Variants in MAF observed in about 807,000 individuals in gnomAD.
MAF encodes the protein transcription factor Maf.
Under a neutral mutation model 22.0 loss-of-function variants are expected in MAF, and 10 were observed. That is an observed-to-expected ratio of 0.45 (90% CI 0.28 to 0.77). The LOEUF is 0.77. MAF is among the 30% of genes least tolerant of loss of function. The probability of loss-of-function intolerance (pLI) is 0.12; values close to 1 mark genes in which losing one functional copy is unlikely to be tolerated. For missense variants in MAF, 544 were observed against 548.4 expected, an observed-to-expected ratio of 0.99 and a Z score of 0.08; for synonymous variants, 337 against 255.8, an observed-to-expected ratio of 1.32 and a Z score of -3.03.
At chr16:79,283,070 A>T in the MAF span, among the ~76,000 whole-genome samples, 1 of 152,262 alleles carries the variant, frequency 6.6e-6, no homozygotes, top group East Asian at 1.9e-4. Flanking sequence ...GAGGGTGGGG[A>T]ATAGGGAATG....
chr16:79,284,842 C>A, the MAF span, among the ~76,000 whole-genome samples: 1 of 152,244 alleles, frequency 6.6e-6, no homozygotes, highest in East Asian at 1.9e-4. Flanking sequence ...ATCTCTCAGT[C>A]ACCTGGACTC....
At chr16:79,472,854 G>C in the MAF span, among the ~76,000 whole-genome samples, 2 of 151,948 alleles carry the variant, frequency 1.3e-5, no homozygotes, top group South Asian at 2.1e-4. Flanking sequence ...CATGGAGAGG[G>C]AACAAGCAGT....
the MAF span, among the ~76,000 whole-genome samples, chr16:79,475,690 T>C: frequency 2.6e-4 from 40 of 152,258 alleles, no homozygotes; most frequent in Admixed American, 2.1e-3. Context: ...GATTTGTGCA[T>C]TTCAATGTAT....
chr16:79,547,821 T>C, the MAF span, among the ~76,000 whole-genome samples: 1 of 152,140 alleles, frequency 6.6e-6, no homozygotes, highest in Non-Finnish European at 1.5e-5. Context: ...TTCTCCTCTG[T>C]CTCCTCTGTA....
At chr16:79,355,528 T>C in the MAF span, among the ~76,000 whole-genome samples, 1 of 152,204 alleles carries the variant, frequency 6.6e-6, no homozygotes, top group East Asian at 1.9e-4. Context: ...TGGAGGACCA[T>C]GAATGTATTG....
the MAF span, among the ~76,000 whole-genome samples, chr16:79,567,179 AT>A: frequency 6.6e-6 from 1 of 152,288 alleles, no homozygotes; most frequent in South Asian, 2.1e-4. Context: ...TTAGACAGGC[AT>A]TGTGGCAGGA....
At chr16:79,254,829 T>G in the MAF span, among the ~76,000 whole-genome samples, 2 of 152,230 alleles carry the variant, frequency 1.3e-5, no homozygotes, top group Non-Finnish European at 2.9e-5. Context: ...TTTCAGAACA[T>G]AAATACCAGC....
At chr16:79,546,207 G>C in the MAF span, among the ~76,000 whole-genome samples, 3 of 152,046 alleles carry the variant, frequency 2.0e-5, no homozygotes, top group African/African-American at 7.2e-5. Flanking sequence ...TGTGAGAACA[G>C]ATCTATGTCC....
the MAF span, among the ~76,000 whole-genome samples, chr16:79,254,612 T>A: frequency 2.0e-5 from 3 of 152,226 alleles, no homozygotes; most frequent in African/African-American, 7.2e-5. Flanking sequence ...TCAGAGCCTG[T>A]GTTACATGAT....
the MAF span, among the ~76,000 whole-genome samples, chr16:79,341,218 A>T: frequency 6.6e-6 from 1 of 152,196 alleles, no homozygotes; most frequent in East Asian, 1.9e-4. Flanking sequence ...CAAGAAGGAG[A>T]GACAATGTAG....
chr16:79,249,093 G>T, the MAF span, among the ~76,000 whole-genome samples: 1 of 152,116 alleles, frequency 6.6e-6, no homozygotes, highest in Non-Finnish European at 1.5e-5. Flanking sequence ...GGTTATGAGG[G>T]CTCTGTCTAC....
chr16:79,541,627 C>A, the MAF span, among the ~76,000 whole-genome samples: 1 of 151,866 alleles, frequency 6.6e-6, no homozygotes, highest in South Asian at 2.1e-4. Flanking sequence ...TCTACCAGGG[C>A]CCTTGTTACC....
At chr16:79,330,782 T>C in the MAF span, among the ~76,000 whole-genome samples, 35,494 of 152,158 alleles carry the variant, frequency 0.23, 4,500 homozygotes, top group Middle Eastern at 0.32. Context: ...CTCCTCGGTG[T>C]ATAAGTCAGG....
At chr16:79,262,757 G>C in the MAF span, among the ~76,000 whole-genome samples, 2 of 152,154 alleles carry the variant, frequency 1.3e-5, no homozygotes, top group African/African-American at 4.8e-5. Flanking sequence ...GAGCCCCTTT[G>C]TTGGTAATGG....
At chr16:79,296,353 A>C in the MAF span, among the ~76,000 whole-genome samples, 2 of 152,084 alleles carry the variant, frequency 1.3e-5, no homozygotes, top group Non-Finnish European at 2.9e-5. Context: ...GGAACAACAC[A>C]CACTGGGGCC....
At chr16:79,458,577 G>A in the MAF span, among the ~76,000 whole-genome samples, 22 of 152,214 alleles carry the variant, frequency 1.4e-4, no homozygotes, top group African/African-American at 5.3e-4. Context: ...GCTCATGGAG[G>A]TGGAAGAGGT....
At chr16:79,499,786 T>C in the MAF span, among the ~76,000 whole-genome samples, 1 of 152,172 alleles carries the variant, frequency 6.6e-6, no homozygotes, top group Non-Finnish European at 1.5e-5. Flanking sequence ...CAATATTTTG[T>C]TTCAGTAGCC....
chr16:79,332,094 C>T, the MAF span, among the ~76,000 whole-genome samples: 4 of 152,102 alleles, frequency 2.6e-5, no homozygotes, highest in Non-Finnish European at 5.9e-5. Context: ...GTTAGGTACT[C>T]GATAAACATG....
At chr16:79,256,984 C>G in the MAF span, among the ~76,000 whole-genome samples, 1 of 152,114 alleles carries the variant, frequency 6.6e-6, no homozygotes, top group Non-Finnish European at 1.5e-5. Context: ...TGAGACCAGC[C>G]TGGCCAACAT....
Sources: allele counts gnomAD v4.1 joint callset (sites outside exome capture counted in the v4.1 genomes callset), GRCh38; gene constraint gnomAD v4.1.1; transcripts MANE v1.5; gene names NCBI Gene and HGNC (gene_info 2026-07-23, HGNC 2026-07-21).